Variants in RPS6KA2 observed in about 807,000 individuals in gnomAD.
RPS6KA2 encodes the protein ribosomal protein S6 kinase alpha-2.
In RPS6KA2, 42 loss-of-function variants were observed where a neutral mutation model predicts 91.8. The ratio of observed to expected loss-of-function variants is 0.46; its 90% confidence interval spans 0.36 to 0.59. The LOEUF is 0.59. Ranked by LOEUF, RPS6KA2 falls within the 20% of genes least tolerant of loss-of-function variation. RPS6KA2 has a pLI of 0.00. For synonymous variants in RPS6KA2, 414 were observed against 393.6 expected (o/e 1.05, Z -0.61); for missense variants, 798 against 978.5 (o/e 0.82, Z 2.46).
chr6:166,416,502 C>T (rs1341321015), intron 19 of RPS6KA2, among the ~76,000 whole-genome samples: 1 of 151,914 alleles, frequency 6.6e-6, no homozygotes, highest in Non-Finnish European at 1.5e-5. Flanking sequence ...ATGATCACTG[C>T]CACCACCTCT....
chr6:166,763,934 G>A (rs635808), intron 2 of RPS6KA2, among the ~76,000 whole-genome samples: 39,535 of 152,136 alleles, frequency 0.26, 5,912 homozygotes, highest in African/African-American at 0.4. Flanking sequence ...GTCTATGTCC[G>A]TCACCAAATG....
intron 19 of RPS6KA2, among the ~76,000 whole-genome samples, chr6:166,415,369 C>T (rs574344634): frequency 1.6e-4 from 25 of 152,234 alleles, no homozygotes; most frequent in African/African-American, 5.8e-4. Context: ...TACTTCATAC[C>T]TGTAGGATGT....
chr6:166,686,156 A>C (rs1364727126), intron 2 of RPS6KA2, among the ~76,000 whole-genome samples: 1 of 151,996 alleles, frequency 6.6e-6, no homozygotes, highest in East Asian at 1.9e-4. Flanking sequence ...GACAGCATTG[A>C]CCTAAGGGCC....
chr6:166,839,566 C>T lies in RPS6KA2; in HGVS notation c.123+18634G>A, dbSNP rs898518982. On this transcript the variant is annotated intron_variant, in intron 2 of 21. Coordinates refer to the RPS6KA2 transcript ENST00000503859. The stretch of plus-strand genomic sequence containing the variant: ...TTTTCTAAATGTAAAATGAAATGGA[C>T]TCGCTTCTTGTTTATAATGGGGGCT... 4.7e-5 allele frequency among the ~76,000 whole-genome samples: 7 copies of T among 149,986 alleles called. 1 individual carries two copies. Among genetic ancestry groups the T allele is most frequent in the Admixed American group, 4.0e-4 (6 of 15,034 alleles).
chr6:166,712,198 C>T (rs1027061826), intron 2 of RPS6KA2, among the ~76,000 whole-genome samples: 2 of 152,122 alleles, frequency 1.3e-5, no homozygotes, highest in Non-Finnish European at 2.9e-5. Context: ...AGCCCAGGTA[C>T]CTGGAGAATG....
intron 14 of RPS6KA2, among the ~76,000 whole-genome samples, chr6:166,439,103 A>AATT (rs1554273284): frequency 0.31 from 46,434 of 151,806 alleles, 7,224 homozygotes; most frequent in Middle Eastern, 0.4. Flanking sequence ...CTTTATTTTT[A>AATT]ATTAATTAAT....
intron 2 of RPS6KA2, among the ~76,000 whole-genome samples, chr6:166,646,352 C>T (rs1177625458): frequency 1.3e-5 from 2 of 152,226 alleles, no homozygotes; most frequent in African/African-American, 4.8e-5. Flanking sequence ...CGGCCATTGC[C>T]CTGAGAGCCA....
At chr6:166,846,724 C>T (rs912232043) in intron 2 of RPS6KA2, among the ~76,000 whole-genome samples, 1 of 152,178 alleles carries the variant, frequency 6.6e-6, no homozygotes, top group Admixed American at 6.5e-5. Flanking sequence ...GTAATAAAAG[C>T]CATCTGTGCC....
At chr6:166,655,052 G>A (rs1193382144) in intron 2 of RPS6KA2, among the ~76,000 whole-genome samples, 1 of 152,156 alleles carries the variant, frequency 6.6e-6, no homozygotes, top group Non-Finnish European at 1.5e-5. Flanking sequence ...AATCCCTCTA[G>A]ACACTGACAA....
chr6:166,581,717 C>A (rs1352694742), intron 1 of RPS6KA2, among the ~76,000 whole-genome samples: 1 of 151,742 alleles, frequency 6.6e-6, no homozygotes, highest in African/African-American at 2.4e-5. Flanking sequence ...GAAGACCCAC[C>A]CTGGGCGAGA....
At position 166,817,816 on chromosome 6, in the gene RPS6KA2, G is replaced by A. The variant is rs145094917; in HGVS notation, c.123+40384C>T. ...TGGCTCACTGCAACCTCTGCCTCCCGGGTTCAAGTGATTCTTCCGTTTCAG... is the reference window on the plus strand; with the variant it reads ...TGGCTCACTGCAACCTCTGCCTCCCAGGTTCAAGTGATTCTTCCGTTTCAG... On this transcript the variant is annotated intron_variant, in intron 2 of 21. Coordinates refer to the RPS6KA2 transcript ENST00000503859. Among the ~76,000 whole-genome samples, 558 of 151,444 alleles carry A rather than the reference G, an allele frequency of 3.7e-3. 1 individual carries two copies. Among genetic ancestry groups the A allele is most frequent in the Middle Eastern group, 6.8e-3 (2 of 294 alleles).
At chr6:166,617,795 G>C (rs546092986) in intron 1 of RPS6KA2, among the ~76,000 whole-genome samples, 1 of 152,226 alleles carries the variant, frequency 6.6e-6, no homozygotes, top group Non-Finnish European at 1.5e-5. Context: ...CGCATGGCTC[G>C]GGGGCAACGG....
intron 2 of RPS6KA2, among the ~76,000 whole-genome samples, chr6:166,634,155 TCTC>T (rs1426517607): frequency 6.6e-6 from 1 of 152,110 alleles, no homozygotes; most frequent in East Asian, 1.9e-4. Context: ...TTGAGAAAGT[TCTC>T]CTGGCAGCAG....
chr6:166,576,303 G>A (rs192370557), intron 1 of RPS6KA2, among the ~76,000 whole-genome samples: 3 of 152,316 alleles, frequency 2.0e-5, no homozygotes, highest in East Asian at 1.9e-4. Flanking sequence ...AAACATACAC[G>A]AAAATGTGGA....
chr6:166,487,869 C>G (rs1781462268), intron 10 of RPS6KA2, among the ~76,000 whole-genome samples: 2 of 152,280 alleles, frequency 1.3e-5, no homozygotes, highest in Admixed American at 6.5e-5. Context: ...TAGGAAGGTA[C>G]TTTTGATTAG....
At position 166,600,930 on chromosome 6, in the gene RPS6KA2, C is replaced by T. The variant is rs189131343; in HGVS notation, c.99+25991G>A. Reference sequence around the variant, plus strand: ...AATTCATCTTGCTTTTGCCTGTAGGCAGGGAGCAATTTATTAAAATACTCT... The same window carrying T: ...AATTCATCTTGCTTTTGCCTGTAGGTAGGGAGCAATTTATTAAAATACTCT... On this transcript the variant is annotated intron_variant, in intron 1 of 20. Coordinates refer to ENST00000265678, the MANE Select transcript of RPS6KA2 (RefSeq NM_021135.6). Among the ~76,000 whole-genome samples the T allele has an allele frequency of 6.2e-3, 950 of 152,270 alleles. 3 individuals carry two copies. The highest frequency in any genetic ancestry group is 0.02 in the Middle Eastern group (6 of 294).
At chr6:166,640,071 G>A (rs1388688536) in intron 2 of RPS6KA2, among the ~76,000 whole-genome samples, 1 of 152,214 alleles carries the variant, frequency 6.6e-6, no homozygotes, top group Non-Finnish European at 1.5e-5. Flanking sequence ...ATGCAGTGAA[G>A]ATGGTGAGGC....
intron 1 of RPS6KA2, among the ~76,000 whole-genome samples, chr6:166,596,343 A>G (rs1050280852): frequency 6.6e-6 from 1 of 152,198 alleles, no homozygotes; most frequent in Non-Finnish European, 1.5e-5. Flanking sequence ...GGAGGTTAAC[A>G]TTCAACTCGG....
In RPS6KA2 at chr6:166,412,426, A is replaced by C. The variant is rs965060811; in HGVS notation, c.*336T>G. 2 of 173,368 alleles carry C rather than the reference A, an allele frequency of 1.2e-5. No homozygotes were observed. The highest frequency in any genetic ancestry group is 1.2e-5 in the Non-Finnish European group (1 of 81,878). 10.7% of individuals were successfully genotyped at this position (173,368 alleles called of 1,614,324 possible). On this transcript the variant is annotated 3_prime_UTR_variant, in exon 21 of 21. Transcript: ENST00000265678. The surrounding 1 kb of genome is among the most constrained non-coding windows in gnomAD (Gnocchi z 4.3). The stretch of plus-strand genomic sequence containing the variant: ...AACCGACCGGCTTCATAATTGGAAA[A>C]CAGATCTCTCGGCAGAAACAGAAGC...
Sources: gnomAD v4.1 joint callset for allele counts (sites outside exome capture counted in the v4.1 genomes callset) on GRCh38, gnomAD v4.1.1 for gene constraint, Gnocchi (gnomAD v3.1) non-coding constraint, MANE v1.5 for transcripts, NCBI Gene and HGNC (gene_info 2026-07-23, HGNC 2026-07-21) for gene names.